DOCK10: variants seen among roughly 807,000 people sequenced by gnomAD.
DOCK10 encodes dedicator of cytokinesis protein 10.
In DOCK10, 145 loss-of-function variants were observed where a neutral mutation model predicts 280.1. The ratio of observed to expected loss-of-function variants is 0.52; its 90% CI spans 0.45 to 0.59. The LOEUF (loss-of-function observed/expected upper bound fraction) is 0.59. Ranked by LOEUF, DOCK10 falls within the 20% of genes least tolerant of loss-of-function variation. The probability of loss-of-function intolerance (pLI) is 0.00; values close to 1 mark genes in which losing one functional copy is unlikely to be tolerated. For synonymous variants in DOCK10, 915 were observed against 942.2 expected (o/e 0.97, Z 0.53); for missense variants, 2,368 against 2,651.7 (o/e 0.89, Z 2.35).
chr2:224,919,085 G>C (rs1291508304), intron 2 of DOCK10, among the ~76,000 whole-genome samples: 3 of 149,300 alleles, frequency 2.0e-5, no homozygotes, highest in African/African-American at 4.9e-5. Flanking sequence ...TGTGTGTGGG[G>C]AGTGTGTGTA....
At chr2:224,808,159 A>AAAAAACT in intron 31 of DOCK10, 73 bp from the exon 32 acceptor site, 6 of 1,351,754 alleles carry the variant, frequency 4.4e-6, no homozygotes, top group South Asian at 4.2e-5. Flanking sequence ...CAGATATACC[A>AAAAAACT]AACAACTACC....
intron 33 of DOCK10, among the ~76,000 whole-genome samples, chr2:224,806,850 T>A (rs1693427010): frequency 1.3e-5 from 2 of 152,098 alleles, no homozygotes. Flanking sequence ...CCTCAAGGGA[T>A]CCTCCCATCT....
chr2:224,789,556 A>C (rs1354149468), intron 47 of DOCK10, among the ~76,000 whole-genome samples: 1 of 152,110 alleles, frequency 6.6e-6, no homozygotes, highest in African/African-American at 2.4e-5. Flanking sequence ...TATTTGAGAA[A>C]ATACCCAGTA....
chr2:224,813,388 G>A (rs112584678), intron 31 of DOCK10, among the ~76,000 whole-genome samples: 14 of 152,222 alleles, frequency 9.2e-5, no homozygotes, highest in African/African-American at 3.4e-4. Flanking sequence ...TAGAGATGGG[G>A]TTTCACCATG....
At chr2:224,811,963 A>C (rs1286744433) in intron 31 of DOCK10, among the ~76,000 whole-genome samples, 1 of 152,170 alleles carries the variant, frequency 6.6e-6, no homozygotes, top group Non-Finnish European at 1.5e-5. Flanking sequence ...TGACTTGGCA[A>C]TGTGGGCTCT....
chr2:224,833,098 C>T (rs1215128343), intron 26 of DOCK10, among the ~76,000 whole-genome samples: 1 of 152,078 alleles, frequency 6.6e-6, no homozygotes, highest in African/African-American at 2.4e-5. Flanking sequence ...CTCTGATAGC[C>T]CCTCAAGTGG....
At chr2:224,790,951 G>A (rs1374592831) in intron 47 of DOCK10, among the ~76,000 whole-genome samples, 1 of 152,062 alleles carries the variant, frequency 6.6e-6, no homozygotes, top group Non-Finnish European at 1.5e-5. Context: ...ATCAGCTAAT[G>A]TATCATCAGA....
Position 225,042,307 on chromosome 2 carries a change from C to G in DOCK10, c.68G>C (p.Arg23Pro). 1 of 1,355,190 alleles carries G rather than the reference C, an allele frequency of 7.4e-7. No homozygotes were observed. The highest frequency in any genetic ancestry group is 9.5e-7 in the Non-Finnish European group (1 of 1,049,992). 83.9% of individuals were successfully genotyped at this position (1,355,190 alleles called of 1,614,324 possible). A position where few individuals can be genotyped will look rare whatever the true frequency, so the allele number is the denominator to read the frequency against. ...LLRPGQAAEL[R>P]HSAASAAAVA... The stretch of plus-strand genomic sequence containing the variant: ...CGCGGCGGCGGACGCGGCGCTGTGC[C>G]GGAGCTCGGCCGCCTGCCCAGGTCT... Residue 23 changes from arginine to proline, a missense_variant, in exon 1 of 56, where the codon CGG becomes CCG. Physicochemically the swap from Arg to Pro is moderately radical, Grantham distance 103. This residue lies in a region of DOCK10 where 1,209 missense variants were observed against 1,250.9 expected (regional missense o/e 0.97). Coordinates refer to ENST00000258390, the MANE Select transcript of DOCK10 (RefSeq NM_014689.3). The surrounding 1 kb of genome is among the most constrained non-coding windows in gnomAD (Gnocchi z 5.1).
intron 14 of DOCK10, among the ~76,000 whole-genome samples, chr2:224,860,373 T>C (rs1697420814): frequency 1.3e-5 from 2 of 152,170 alleles, no homozygotes; most frequent in Admixed American, 1.3e-4. Context: ...TGACTTTTAG[T>C]AATAATAATA....
chr2:225,035,557 T>G (rs867288697), intron 1 of DOCK10, among the ~76,000 whole-genome samples: 3,223 of 42,966 alleles, frequency 0.075, 325 homozygotes, highest in African/African-American at 0.17. Context: ...TATATATATA[T>G]ATATATATAT....
intron 27 of DOCK10, 50 bp downstream of exon 27, chr2:224,830,491 T>C: frequency 2.0e-6 from 2 of 1,018,038 alleles, no homozygotes; most frequent in Non-Finnish European, 2.7e-6. Context: ...AGTGTAATTG[T>C]TGGATAATAT....
intron 13 of DOCK10, among the ~76,000 whole-genome samples, chr2:224,863,211 T>A (rs1023336447): frequency 6.6e-6 from 1 of 152,152 alleles, no homozygotes; most frequent in African/African-American, 2.4e-5. Flanking sequence ...AGCAGGGAAA[T>A]GGCCATAGAC....
At chr2:224,948,720 A>G (rs1175341961) in intron 1 of DOCK10, among the ~76,000 whole-genome samples, 2 of 152,246 alleles carry the variant, frequency 1.3e-5, no homozygotes, top group Non-Finnish European at 2.9e-5. Flanking sequence ...AAGCACTCAG[A>G]AAATGTGCAT....
chr2:224,949,928 A>T (rs1703635052), intron 1 of DOCK10, among the ~76,000 whole-genome samples: 1 of 152,224 alleles, frequency 6.6e-6, no homozygotes, highest in South Asian at 2.1e-4. Context: ...TTTAAGAAAA[A>T]ATTAGAAATC....
intron 1 of DOCK10, among the ~76,000 whole-genome samples, chr2:225,032,771 T>A (rs73997008): frequency 0.037 from 5,696 of 152,286 alleles, 292 homozygotes; most frequent in African/African-American, 0.12. Flanking sequence ...AATAATTTAA[T>A]TATCATATTT....
chr2:224,832,002 G>A (rs961528023), intron 26 of DOCK10, among the ~76,000 whole-genome samples: 4 of 152,196 alleles, frequency 2.6e-5, no homozygotes, highest in Admixed American at 2.6e-4. Context: ...GAAGAACAAA[G>A]CTCATCCCAG....
chr2:224,849,233 C>A lies in DOCK10; in HGVS notation c.2235+274G>T, dbSNP rs532946071. Reference sequence around the variant, plus strand: ...TTGTGATCCGCCTGCCTTGGCCTCCCAAAGTGCTGGGATTACAGGCGTGAG... The same window carrying A: ...TTGTGATCCGCCTGCCTTGGCCTCCAAAAGTGCTGGGATTACAGGCGTGAG... On this transcript the variant is annotated intron_variant, in intron 19 of 55. Coordinates refer to ENST00000258390, the MANE Select transcript of DOCK10 (RefSeq NM_014689.3). 5.9e-5 allele frequency among the ~76,000 whole-genome samples: 9 copies of A among 152,342 alleles called. No individual in the cohort carries two copies. The South Asian group carries it at 1.9e-3, about 32-fold the overall frequency.
intron 18 of DOCK10, among the ~76,000 whole-genome samples, chr2:224,850,482 C>T (rs1249826166): frequency 1.3e-5 from 2 of 152,204 alleles, no homozygotes; most frequent in Admixed American, 6.5e-5. Flanking sequence ...CCTGGGACAA[C>T]GGTCAGTGTT....
At chr2:224,768,711 T>C (rs183412683) in intron 55 of DOCK10, among the ~76,000 whole-genome samples, 118 of 152,250 alleles carry the variant, frequency 7.8e-4, no homozygotes, top group African/African-American at 2.8e-3. Flanking sequence ...TTTCCCCCCA[T>C]TGACCTACCT....
Sources: allele counts gnomAD v4.1 joint callset (sites outside exome capture counted in the v4.1 genomes callset), GRCh38; gene constraint gnomAD v4.1.1; regional missense constraint gnomAD v4.1.1; non-coding constraint Gnocchi (gnomAD v3.1); transcripts MANE v1.5; gene names NCBI Gene and HGNC (gene_info 2026-07-23, HGNC 2026-07-21).